MCOLN3: variants seen among roughly 807,000 people sequenced by gnomAD.
MCOLN3 encodes mucolipin TRP cation channel 3.
MCOLN3 carries 62 observed loss-of-function variants against 69.4 expected under a neutral mutation model. The observed-to-expected ratio is 0.89, with a 90% confidence interval of 0.73 to 1.10. The LOEUF (loss-of-function observed/expected upper bound fraction) is 1.10, where lower values mean the gene tolerates loss of function less well. Ranked by LOEUF, MCOLN3 falls within the 50% of genes least tolerant of loss-of-function variation. MCOLN3 has a pLI of 0.00. For synonymous variants in MCOLN3, 183 were observed against 217.0 expected, an observed-to-expected ratio of 0.84 and a Z score of 1.38; for missense variants, 564 against 656.4, an observed-to-expected ratio of 0.86 and a Z score of 1.54.
Position 85,032,864 on chromosome 1 carries a change from C to T in MCOLN3, c.635+8G>A, listed in dbSNP as rs765833922. On this transcript the variant is annotated splice_region_variant and intron_variant, in intron 5 of 12. Transcript: ENST00000370589. Reference sequence around the variant, plus strand: ...AACGTAAGTTACACTCCTGTCTGCTCCCCTCACCTGTGGAAGTCCAGTGTT... The same window carrying T: ...AACGTAAGTTACACTCCTGTCTGCTTCCCTCACCTGTGGAAGTCCAGTGTT... The T allele has an allele frequency of 6.2e-7, 1 of 1,614,020 alleles. No homozygotes were observed.
At chr1:85,023,737 C>T (rs993124108) in intron 9 of MCOLN3, among the ~76,000 whole-genome samples, 1 of 152,138 alleles carries the variant, frequency 6.6e-6, no homozygotes, top group Non-Finnish European at 1.5e-5. Flanking sequence ...ATTACCAAGA[C>T]AGTGGCAGAA....
At chr1:85,044,275 T>A (rs748669863) in intron 2 of MCOLN3, among the ~76,000 whole-genome samples, 3 of 152,238 alleles carry the variant, frequency 2.0e-5, no homozygotes, top group Non-Finnish European at 2.9e-5. Context: ...CATAAGTGTT[T>A]GTTCTCAATA....
chr1:85,045,219 T>G lies in MCOLN3; in HGVS notation c.142A>C (p.Asn48His), dbSNP rs748164936. Residue 48 changes from asparagine to histidine, a missense_variant, in exon 2 of 13, where the codon AAT (asparagine) becomes CAT (histidine). Coordinates refer to ENST00000370589, the MANE Select transcript of MCOLN3 (RefSeq NM_018298.11). ...MRRKLKFFFM[N>H]PCEKFWARGR... ...CGAGCCCAGAACTTCTCACAGGGAT[T>G]CATGAAAAAAAATTTGAGTTTTCGC... 1.9e-6 allele frequency: 3 copies of G among 1,614,084 alleles called. No homozygotes were observed. The highest frequency in any genetic ancestry group is 1.3e-5 in the African/African-American group (1 of 75,034).
At chr1:85,019,590 C>T (rs1243496673) in intron 12 of MCOLN3, among the ~76,000 whole-genome samples, 1 of 152,228 alleles carries the variant, frequency 6.6e-6, no homozygotes, top group Non-Finnish European at 1.5e-5. Flanking sequence ...CTACTCTGCC[C>T]TGCAGGCCTG....
rs1331588334 is a variant in MCOLN3, at chr1:85,032,793, C to A, written c.636-1G>T. ...AAACTGAAGCTCCACTGTTAGGAGT[C>A]TAGAAAACAGAGGTGATTTTAGTTC... On this transcript the variant is annotated splice_acceptor_variant, in intron 5 of 12. Transcript: ENST00000370589. LOFTEE classifies it high-confidence loss of function. 6.2e-7 allele frequency: 1 copy of A among 1,613,814 alleles called. No individual in the cohort carries two copies. The highest frequency in any genetic ancestry group is 1.3e-5 in the African/African-American group (1 of 74,918).
chr1:85,041,016 T>C lies in MCOLN3; in HGVS notation c.390A>G (p.Val130=). Residue 130 remains valine, a synonymous_variant, in exon 3 of 13, where the codon GTA becomes GTG. Coordinates refer to ENST00000370589, the MANE Select transcript of MCOLN3 (RefSeq NM_018298.11). ...SDVYDQLIFA[V]NQYLQLYNVS... ...ATGCACACACTTGATTTACCTGGTT[T>C]ACTGCGAAGATTAACTGATCATACA... The C allele has an allele frequency of 6.2e-7, 1 of 1,613,220 alleles. No homozygotes were observed. Among genetic ancestry groups the C allele is most frequent in the Non-Finnish European group, 8.5e-7 (1 of 1,179,772 alleles).
chr1:85,048,051 G>A (rs1458416537), intron 1 of MCOLN3, among the ~76,000 whole-genome samples: 1 of 152,242 alleles, frequency 6.6e-6, no homozygotes, highest in Non-Finnish European at 1.5e-5. Context: ...TCCAGCCCAG[G>A]GGCTCCGGGC....
rs928068449 is a variant in MCOLN3 at position 85,029,379 on chromosome 1, G to A, written c.733-174C>T. The A allele has an allele frequency of 8.8e-6, 5 of 569,546 alleles. No individual in the cohort carries two copies. The African/African-American group carries it at 9.4e-5, about 11-fold the overall frequency. 35.3% of individuals were successfully genotyped at this position (569,546 alleles called of 1,614,324 possible). On this transcript the variant is annotated intron_variant, in intron 6 of 12. Transcript: ENST00000370589. ...AGTTCTCTTCATTTCTCTGTGAAAT[G>A]AGAACGATGAACTAGATCTTCTACA...
chr1:85,031,118 A>G (rs1652492779), intron 6 of MCOLN3, among the ~76,000 whole-genome samples: 1 of 152,106 alleles, frequency 6.6e-6, no homozygotes, highest in Non-Finnish European at 1.5e-5. Flanking sequence ...TAAAAATACA[A>G]AAACTAGCTG....
At chr1:85,027,373 T>C (rs903360387) in intron 7 of MCOLN3, among the ~76,000 whole-genome samples, 1 of 152,218 alleles carries the variant, frequency 6.6e-6, no homozygotes, top group Non-Finnish European at 1.5e-5. Flanking sequence ...TCCAATGAGG[T>C]AAGCATGATT....
intron 6 of MCOLN3, 92 bp from the exon 7 acceptor site, chr1:85,029,297 G>A (rs1193362260): frequency 1.1e-5 from 8 of 730,178 alleles, no homozygotes; most frequent in Non-Finnish European, 1.4e-5. Context: ...CTTTCAAGGG[G>A]ACAGGAGACC....
Position 85,021,990 on chromosome 1 carries a change from G to A in MCOLN3, c.1320+80C>T, listed in dbSNP as rs562072871. ...AAGGCTGAATCACAAAATAAAAGGA[G>A]TTCATTGAAAAAGGATAACAAGCCA... On this transcript the variant is annotated intron_variant, in intron 11 of 12. Transcript: ENST00000370589. The A allele has an allele frequency of 1.3e-5, 19 of 1,502,926 alleles. No homozygotes were observed. The African/African-American group carries it at 2.2e-4, about 18-fold the overall frequency. The allele number at this position is 1,502,926 out of a possible 1,614,324, so 93.1% of individuals were successfully genotyped here. A position where few individuals can be genotyped will look rare whatever the true frequency, so the allele number is the denominator to read the frequency against.
chr1:85,042,885 G>T (rs1423064569), intron 2 of MCOLN3, among the ~76,000 whole-genome samples: 1 of 152,142 alleles, frequency 6.6e-6, no homozygotes, highest in Non-Finnish European at 1.5e-5. Flanking sequence ...TCTAATATTT[G>T]TTTGATTGCT....
chr1:85,026,333 T>C (rs774641017), intron 7 of MCOLN3, 49 bp from the exon 8 acceptor site: 3 of 1,162,580 alleles, frequency 2.6e-6, no homozygotes, highest in East Asian at 2.3e-5. Context: ...GACATTAATA[T>C]GGTGACATCT....
intron 3 of MCOLN3, among the ~76,000 whole-genome samples, chr1:85,034,814 C>G (rs866501573): frequency 2.0e-5 from 3 of 152,170 alleles, no homozygotes; most frequent in Non-Finnish European, 2.9e-5. Context: ...AAGAATCTTA[C>G]GGTGCCTTGG....
At chr1:85,044,266 A>G (rs909384799) in intron 2 of MCOLN3, among the ~76,000 whole-genome samples, 11 of 152,326 alleles carry the variant, frequency 7.2e-5, no homozygotes, top group Admixed American at 3.3e-4. Context: ...CCTAACAATC[A>G]TAAGTGTTTG....
chr1:85,041,761 T>C (rs1384333031), intron 2 of MCOLN3, among the ~76,000 whole-genome samples: 1 of 149,426 alleles, frequency 6.7e-6, no homozygotes, highest in Non-Finnish European at 1.5e-5. Context: ...TCCCAGCTAC[T>C]CAGGAGGCTG....
chr1:85,036,940 A>G (rs1490696984), intron 3 of MCOLN3: 1 of 152,234 alleles, frequency 6.6e-6, no homozygotes, highest in Non-Finnish European at 1.5e-5. Context: ...TCCACAGGAC[A>G]GGGAATTTAT....
At chr1:85,025,897 C>A (rs779244930) in intron 9 of MCOLN3, 42 bp downstream of exon 9, 47 of 1,540,598 alleles carry the variant, frequency 3.1e-5, no homozygotes, top group Non-Finnish European at 4.1e-5. Context: ...ACCATTAGTG[C>A]AAATCTGACA....
Sources: allele counts gnomAD v4.1 joint callset (sites outside exome capture counted in the v4.1 genomes callset), GRCh38; gene constraint gnomAD v4.1.1; transcripts MANE v1.5; gene names NCBI Gene and HGNC (gene_info 2026-07-23, HGNC 2026-07-21).